Variants in SCAF8 observed in about 807,000 individuals in gnomAD.
SCAF8 encodes the protein SR-related CTD associated factor 8.
SCAF8 carries 23 observed loss-of-function variants against 140.5 expected under a neutral mutation model. The ratio of observed to expected loss-of-function variants is 0.16; its 90% CI spans 0.12 to 0.23. The LOEUF (loss-of-function observed/expected upper bound fraction) is 0.23. SCAF8 is among the 10% of genes least tolerant of loss of function. The pLI is 1.00. For synonymous variants in SCAF8, 575 were observed against 528.9 expected, an observed-to-expected ratio of 1.09 and a Z score of -1.20; for missense variants, 1,397 against 1,555.7, an observed-to-expected ratio of 0.90 and a Z score of 1.72.
chr6:154,830,793 G>T (rs1778707636), intron 18 of SCAF8, 129 bp from the exon 19 acceptor site: 1 of 578,274 alleles, frequency 1.7e-6, no homozygotes, highest in Non-Finnish European at 3.0e-6. Flanking sequence ...TGTCATTTGA[G>T]CATTGGTTAT....
chr6:154,752,212 CAT>C (rs1778854911), intron 1 of SCAF8, among the ~76,000 whole-genome samples: 1 of 152,100 alleles, frequency 6.6e-6, no homozygotes, highest in African/African-American at 2.4e-5. Flanking sequence ...TGTAAAGTAA[CAT>C]GTGACAGATG....
chr6:154,742,972 G>T (rs949450968), intron 1 of SCAF8, among the ~76,000 whole-genome samples: 2 of 151,660 alleles, frequency 1.3e-5, no homozygotes, highest in African/African-American at 2.4e-5. Flanking sequence ...TCCATCTCCT[G>T]GGATATAGTG....
Position 154,820,243 on chromosome 6 carries a change from G to C in SCAF8, c.1702G>C (p.Val568Leu). Residue 568 changes from valine to leucine, a missense_variant, in exon 15 of 20, where the codon GTT becomes CTT. Coordinates refer to ENST00000367178, the MANE Select transcript of SCAF8 (RefSeq NM_014892.5). ...YKQFWDVDLG[V>L]TYIPWEKVKV... ...ACAATTCTGGGATGTGGATCTTGGA[G>C]TTACATATATACCATGGGAAAAAGT... 1 of 1,610,446 alleles carries C rather than the reference G, an allele frequency of 6.2e-7. No individual in the cohort carries two copies. The highest frequency in any genetic ancestry group is 8.5e-7 in the Non-Finnish European group (1 of 1,178,720).
chr6:154,733,693 A>G lies in SCAF8; in HGVS notation c.-208A>G, dbSNP rs1231936308. The G allele has an allele frequency of 6.1e-6, 8 of 1,301,240 alleles. No homozygotes were observed. The highest frequency in any genetic ancestry group is 2.3e-5 in the South Asian group (1 of 44,290). 80.6% of individuals were successfully genotyped at this position (1,301,240 alleles called of 1,614,324 possible). On this transcript the variant is annotated 5_prime_UTR_variant, in exon 1 of 20. Transcript: ENST00000367178. ...CCTAGAACGGCGCTCCCCCCGCCCT[A>G]GCGGCCATGCCGGTGCCGCTCTGCC...
chr6:154,778,194 T>C, intron 3 of SCAF8, 149 bp downstream of exon 3: 1 of 560,836 alleles, frequency 1.8e-6, no homozygotes, highest in South Asian at 2.3e-5. Context: ...AGAAATAAAA[T>C]AAAAGTGCCT....
intron 6 of SCAF8, among the ~76,000 whole-genome samples, chr6:154,798,662 T>G (rs1012734041): frequency 1.3e-5 from 2 of 151,414 alleles, no homozygotes; most frequent in Admixed American, 1.3e-4. Context: ...TTAATGGGGC[T>G]TCTACCCTTA....
At chr6:154,782,636 A>G (rs1022266597) in intron 3 of SCAF8, among the ~76,000 whole-genome samples, 2 of 152,184 alleles carry the variant, frequency 1.3e-5, no homozygotes, top group African/African-American at 2.4e-5. Context: ...AAATATTAAC[A>G]TAAGTATTAA....
At chr6:154,788,292 A>G (rs1353244856) in intron 4 of SCAF8, among the ~76,000 whole-genome samples, 2 of 152,202 alleles carry the variant, frequency 1.3e-5, no homozygotes, top group Non-Finnish European at 2.9e-5. Flanking sequence ...TCTAGGAGCA[A>G]TGGAATATGC....
rs766833318 is a variant in SCAF8, at chr6:154,831,162, T to A, written c.2359+22T>A. 2.5e-5 allele frequency: 36 copies of A among 1,426,130 alleles called. 1 individual carries two copies. The highest frequency in any genetic ancestry group is 1.4e-4 in the Admixed American group (6 of 44,442). The allele number at this position is 1,426,130 out of a possible 1,614,324, so 88.3% of individuals were successfully genotyped here. On this transcript the variant is annotated intron_variant, in intron 19 of 19. Coordinates refer to ENST00000367178, the MANE Select transcript of SCAF8 (RefSeq NM_014892.5). ...TCAGGTAAATAATAATAATAAAATTTAAAAAAAGAGGTTGCCTCTCTGTAT... is the reference window on the plus strand; with the variant it reads ...TCAGGTAAATAATAATAATAAAATTAAAAAAAAGAGGTTGCCTCTCTGTAT...
At chr6:154,815,107 C>A (rs1318806810) in intron 12 of SCAF8, among the ~76,000 whole-genome samples, 1 of 152,062 alleles carries the variant, frequency 6.6e-6, no homozygotes, top group Non-Finnish European at 1.5e-5. Flanking sequence ...ACCATCCTGG[C>A]TAACATGGTG....
At chr6:154,828,800 C>G (rs946144442) in intron 18 of SCAF8, among the ~76,000 whole-genome samples, 1 of 151,998 alleles carries the variant, frequency 6.6e-6, no homozygotes, top group African/African-American at 2.4e-5. Flanking sequence ...GCATTTTGAA[C>G]AGAAAAAAAT....
At chr6:154,764,817 C>T (rs775575854) in intron 1 of SCAF8, among the ~76,000 whole-genome samples, 2 of 152,042 alleles carry the variant, frequency 1.3e-5, no homozygotes, top group East Asian at 1.9e-4. Flanking sequence ...CGTTTTTCAG[C>T]GTAAAACCAT....
chr6:154,823,673 TC>T (rs569608374), intron 16 of SCAF8, among the ~76,000 whole-genome samples: 2 of 152,118 alleles, frequency 1.3e-5, no homozygotes, highest in Non-Finnish European at 2.9e-5. Flanking sequence ...GACTGGAAAA[TC>T]AGTTGTTTCA....
At chr6:154,750,519 T>G (rs1346680393) in intron 1 of SCAF8, among the ~76,000 whole-genome samples, 1 of 152,202 alleles carries the variant, frequency 6.6e-6, no homozygotes, top group Non-Finnish European at 1.5e-5. Context: ...TAAAAGCAAC[T>G]CTGTGTGAAG....
chr6:154,819,153 A>G lies in SCAF8; in HGVS notation c.1635+561A>G, dbSNP rs1778341343. Among the ~76,000 whole-genome samples the G allele has an allele frequency of 2.6e-5, 4 of 152,108 alleles. No individual in the cohort carries two copies. In the South Asian group the frequency reaches 8.3e-4, roughly 31 times the overall value. On this transcript the variant is annotated intron_variant, in intron 14 of 19. Transcript: ENST00000367178. Reference sequence around the variant, plus strand: ...GATTTCTGTTATTTGAAGTTTATTTATCTTATCAGTTTCTGCAACTGAATT... The same window carrying G: ...GATTTCTGTTATTTGAAGTTTATTTGTCTTATCAGTTTCTGCAACTGAATT...
chr6:154,831,109 C>A lies in SCAF8; in HGVS notation c.2328C>A (p.His776Gln), dbSNP rs1778718026. Residue 776 changes from histidine (H) to glutamine (Q), a missense_variant, in exon 19 of 20, where the codon CAC becomes CAA. His to Gln is a conservative substitution (Grantham distance 24). Transcript: ENST00000367178. Reference sequence around the variant, plus strand: ...AAAAAGTACCTCATCTTATAGACCACCAGATTTCTTCTGGTGAAAACACCA... The same window carrying A: ...AAAAAGTACCTCATCTTATAGACCAACAGATTTCTTCTGGTGAAAACACCA... ...PEEKVPHLID[H>Q]QISSGENTRS... is the part of the protein sequence containing the mutation. 6.2e-7 allele frequency: 1 copy of A among 1,611,318 alleles called. No homozygotes were observed. The highest frequency in any genetic ancestry group is 1.7e-5 in the Admixed American group (1 of 59,928).
At chr6:154,766,669 C>CCTT (rs1554258917) in intron 1 of SCAF8, among the ~76,000 whole-genome samples, 120 of 82,398 alleles carry the variant, frequency 1.5e-3, no homozygotes, top group African/African-American at 3.0e-3. Flanking sequence ...ACCCCCCCCC[C>CCTT]TTTTTTTTTT....
intron 6 of SCAF8, among the ~76,000 whole-genome samples, chr6:154,798,111 G>A (rs983541860): frequency 4.0e-5 from 6 of 151,308 alleles, no homozygotes; most frequent in Non-Finnish European, 3.0e-5. Flanking sequence ...TATACAAGAC[G>A]AGCAAGAAAC....
At chr6:154,741,868 G>T in intron 1 of SCAF8, 1 of 826,222 alleles carries the variant, frequency 1.2e-6, no homozygotes, top group South Asian at 1.5e-5. Flanking sequence ...CCTTGACCTT[G>T]AACACTGGCT....
Sources: allele counts gnomAD v4.1 joint callset (sites outside exome capture counted in the v4.1 genomes callset), GRCh38; gene constraint gnomAD v4.1.1; transcripts MANE v1.5; gene names NCBI Gene and HGNC (gene_info 2026-07-23, HGNC 2026-07-21).